The following HS2ST1 variants were observed in gnomAD, a reference collection of about 807,000 sequenced individuals.
HS2ST1 encodes heparan sulfate 2-O-sulfotransferase 1.
A neutral mutation model predicts 42.9 loss-of-function variants in HS2ST1; 18 were observed. That is an observed-to-expected ratio of 0.42 (90% CI 0.29 to 0.62). The LOEUF is 0.62. Ranked by LOEUF, HS2ST1 falls within the 20% of genes least tolerant of loss-of-function variation. The pLI, the probability that HS2ST1 is intolerant of heterozygous loss-of-function variation, is 0.21. For missense variants in HS2ST1, 334 were observed against 433.8 expected, an observed-to-expected ratio of 0.77 and a Z score of 2.04; for synonymous variants, 146 against 152.9, an observed-to-expected ratio of 0.95 and a Z score of 0.33.
At chr1:86,936,164 A>G (rs994467417) in intron 1 of HS2ST1, among the ~76,000 whole-genome samples, 3 of 152,140 alleles carry the variant, frequency 2.0e-5, no homozygotes, top group African/African-American at 4.8e-5. Context: ...TGCTTTGCTA[A>G]TAGATTTTAA....
At chr1:86,969,331 T>G (rs2102207352) in intron 1 of HS2ST1, among the ~76,000 whole-genome samples, 1 of 152,366 alleles carries the variant, frequency 6.6e-6, no homozygotes, top group Non-Finnish European at 1.5e-5. Flanking sequence ...GCACACATTT[T>G]TAACTTGTTT....
At chr1:87,031,482 CAACT>C (rs1452356869) in intron 1 of HS2ST1, among the ~76,000 whole-genome samples, 3 of 152,090 alleles carry the variant, frequency 2.0e-5, no homozygotes. Flanking sequence ...GCCAATATAC[CAACT>C]GTTTATTGCC....
chr1:86,997,641 C>A (rs547484234), intron 1 of HS2ST1, among the ~76,000 whole-genome samples: 11 of 152,232 alleles, frequency 7.2e-5, no homozygotes, highest in African/African-American at 2.4e-4. Context: ...ACAGTAGTCC[C>A]CTCCTTATCC....
chr1:87,099,175 T>G (rs1193988536), intron 5 of HS2ST1, among the ~76,000 whole-genome samples: 1 of 152,196 alleles, frequency 6.6e-6, no homozygotes, highest in Non-Finnish European at 1.5e-5. Flanking sequence ...GCAGCAGAGT[T>G]GAGTAATTGT....
chr1:87,011,116 A>G (rs935192485), intron 1 of HS2ST1, among the ~76,000 whole-genome samples: 1 of 151,740 alleles, frequency 6.6e-6, no homozygotes, highest in Non-Finnish European at 1.5e-5. Flanking sequence ...AAATATTCCT[A>G]TGAATGAGTA....
intron 1 of HS2ST1, among the ~76,000 whole-genome samples, chr1:86,992,562 A>G (rs1459671641): frequency 8.5e-5 from 13 of 152,078 alleles, no homozygotes; most frequent in African/African-American, 2.6e-4. Flanking sequence ...GGGTTTCTCC[A>G]TGTTGATCAG....
At chr1:87,005,188 G>A (rs1360577614) in intron 1 of HS2ST1, among the ~76,000 whole-genome samples, 1 of 152,112 alleles carries the variant, frequency 6.6e-6, no homozygotes, top group Non-Finnish European at 1.5e-5. Flanking sequence ...ATCATAGTGT[G>A]AATACCCTTT....
At chr1:87,027,685 A>T (rs1180780012) in intron 1 of HS2ST1, among the ~76,000 whole-genome samples, 2 of 152,040 alleles carry the variant, frequency 1.3e-5, no homozygotes, top group African/African-American at 4.8e-5. Context: ...TCAGAATGGG[A>T]CATAGATGTT....
At chr1:87,084,475 T>C (rs748741312) in intron 3 of HS2ST1, among the ~76,000 whole-genome samples, 196 bp downstream of exon 3, 1 of 152,232 alleles carries the variant, frequency 6.6e-6, no homozygotes, top group Non-Finnish European at 1.5e-5. Flanking sequence ...GCAATTCTTA[T>C]ATTAATTACA....
chr1:87,058,633 A>G (rs971687909), intron 1 of HS2ST1, among the ~76,000 whole-genome samples: 1 of 151,598 alleles, frequency 6.6e-6, no homozygotes, highest in South Asian at 2.1e-4. Flanking sequence ...GGTTAGGAGT[A>G]TAAGCTTTGG....
At chr1:87,072,784 A>G (rs771094744) in intron 1 of HS2ST1, 150 bp from the exon 2 acceptor site, 7 of 628,794 alleles carry the variant, frequency 1.1e-5, no homozygotes, top group South Asian at 2.0e-5. Context: ...AACCCAAGCA[A>G]TTTACCCATG....
At chr1:86,927,460 C>A (rs891818482) in intron 1 of HS2ST1, among the ~76,000 whole-genome samples, 1 of 152,136 alleles carries the variant, frequency 6.6e-6, no homozygotes, top group Admixed American at 6.5e-5. Context: ...GCTTATATAG[C>A]AACTTAAAAC....
rs145149285 is a variant in HS2ST1 at position 87,019,697 on chromosome 1, A to G, written c.125-53237A>G. ...TATGATTTCCATCTGTTCAAGTACA[A>G]TAGTGTTTATGGCACAGTCCAGATT... is the stretch of plus-strand genomic sequence containing the variant. On this transcript the variant is annotated intron_variant, in intron 1 of 6. Transcript: ENST00000370550. 3.9e-4 allele frequency among the ~76,000 whole-genome samples: 59 copies of G among 152,322 alleles called. 1 individual carries two copies. Among genetic ancestry groups the G allele is most frequent in the Non-Finnish European group, 7.2e-4 (49 of 68,012 alleles).
intron 1 of HS2ST1, among the ~76,000 whole-genome samples, chr1:86,915,591 G>T (rs1660131767): frequency 6.6e-6 from 1 of 152,210 alleles, no homozygotes; most frequent in African/African-American, 2.4e-5. Flanking sequence ...TGGGCATCTG[G>T]ATACGAATTC....
intron 1 of HS2ST1, among the ~76,000 whole-genome samples, chr1:86,980,192 A>G (rs1041175596): frequency 6.6e-6 from 1 of 152,226 alleles, no homozygotes; most frequent in Admixed American, 6.5e-5. Flanking sequence ...TAAATGAGAA[A>G]ATCATGGCCC....
chr1:87,094,437 G>T (rs992648612), intron 4 of HS2ST1, among the ~76,000 whole-genome samples: 1 of 152,026 alleles, frequency 6.6e-6, no homozygotes, highest in African/African-American at 2.4e-5. Context: ...GGTAGCTTGC[G>T]CAACAATTTT....
chr1:87,086,551 G>T (rs1486429623), intron 3 of HS2ST1, among the ~76,000 whole-genome samples: 1 of 151,924 alleles, frequency 6.6e-6, no homozygotes, highest in African/African-American at 2.4e-5. Context: ...CCTTATCAGA[G>T]ACATTAAAAC....
intron 4 of HS2ST1, among the ~76,000 whole-genome samples, chr1:87,097,005 T>A (rs1652084029): frequency 6.6e-6 from 1 of 152,150 alleles, no homozygotes; most frequent in South Asian, 2.1e-4. Context: ...TCTAGAAAAA[T>A]TCAGAAATAA....
At chr1:86,920,019 C>T (rs771802572) in intron 1 of HS2ST1, among the ~76,000 whole-genome samples, 3 of 152,170 alleles carry the variant, frequency 2.0e-5, no homozygotes, top group Admixed American at 1.3e-4. Flanking sequence ...TTCAAGAGCG[C>T]ACTTGTTGCT....
Sources: allele counts gnomAD v4.1 joint callset (sites outside exome capture counted in the v4.1 genomes callset), GRCh38; gene constraint gnomAD v4.1.1; transcripts MANE v1.5; gene names NCBI Gene and HGNC (gene_info 2026-07-23, HGNC 2026-07-21).